Variants in IGF1 observed in about 807,000 individuals in gnomAD.
The protein encoded by IGF1 is insulin like growth factor 1, also known as insulin-like growth factor 1.
IGF1 carries 4 observed loss-of-function variants against 13.8 expected under a neutral mutation model. The observed-to-expected ratio is 0.29, with a 90% CI of 0.14 to 0.66. The LOEUF (loss-of-function observed/expected upper bound fraction) is 0.66, where lower values mean the gene tolerates loss of function less well. Among genes scored for constraint, IGF1 ranks in the 30% least tolerant of loss-of-function variants. IGF1 has a pLI of 0.78. For synonymous variants in IGF1, 76 were observed against 72.6 expected (o/e 1.05, Z -0.23); for missense variants, 124 against 188.5 (o/e 0.66, Z 2.00).
At chr12:102,440,495 C>T (rs181458109) in intron 2 of IGF1, among the ~76,000 whole-genome samples, 2 of 152,304 alleles carry the variant, frequency 1.3e-5, no homozygotes, top group East Asian at 1.9e-4. Context: ...TGATTCTCTC[C>T]AGGTAGTGCG....
chr12:102,422,503 A>C (rs750292089), intron 2 of IGF1, among the ~76,000 whole-genome samples: 2 of 152,224 alleles, frequency 1.3e-5, no homozygotes, highest in African/African-American at 4.8e-5. Flanking sequence ...CAAAAAACTC[A>C]TTTCTCGCCA....
intron 2 of IGF1, among the ~76,000 whole-genome samples, chr12:102,450,477 G>A (rs1311261119): frequency 6.6e-6 from 1 of 152,224 alleles, no homozygotes; most frequent in Admixed American, 6.5e-5. Context: ...GGAGACAAAT[G>A]GATGCCCAAT....
At chr12:102,450,433 C>T (rs777827902) in intron 2 of IGF1, among the ~76,000 whole-genome samples, 38 of 152,334 alleles carry the variant, frequency 2.5e-4, no homozygotes, top group Admixed American at 1.2e-3. Flanking sequence ...CTCTCTGCCA[C>T]GAATGGAAAC....
chr12:102,413,621 T>C (rs1874829589), intron 3 of IGF1, among the ~76,000 whole-genome samples: 1 of 152,210 alleles, frequency 6.6e-6, no homozygotes, highest in Non-Finnish European at 1.5e-5. Flanking sequence ...GAAACTAAAG[T>C]GTCCCGGAAG....
chr12:102,448,695 A>AT (rs1276355020), intron 2 of IGF1, among the ~76,000 whole-genome samples: 293 of 18,174 alleles, frequency 0.016, 2 homozygotes, highest in African/African-American at 0.036. Context: ...ATAATAAAAA[A>AT]AAAAAAAAAA....
At chr12:102,408,629 G>A (rs1278946462) in intron 3 of IGF1, among the ~76,000 whole-genome samples, 2 of 152,146 alleles carry the variant, frequency 1.3e-5, no homozygotes, top group African/African-American at 2.4e-5. Flanking sequence ...CCAGTACAAC[G>A]GCTCTTCTTT....
intron 2 of IGF1, among the ~76,000 whole-genome samples, chr12:102,474,086 C>T (rs900173271): frequency 1.3e-5 from 2 of 152,112 alleles, no homozygotes; most frequent in Admixed American, 6.5e-5. Flanking sequence ...AAGTGAGAAC[C>T]ACTTTTTCAT....
At chr12:102,417,866 C>G in intron 3 of IGF1, 1 of 1,613,900 alleles carries the variant, frequency 6.2e-7, no homozygotes, top group Non-Finnish European at 8.5e-7. Context: ...TTCCAATCTC[C>G]CTCCTCTGCT....
rs751304020 is a variant in IGF1 at position 102,419,654 on chromosome 12, G to A, written c.257C>T (p.Ala86Val). 2.1e-5 allele frequency: 34 copies of A among 1,613,086 alleles called. 2 individuals carry two copies. Among genetic ancestry groups the A allele is most frequent in the South Asian group, 1.4e-4 (13 of 91,088 alleles). The change falls in exon 3 of 4, where the codon GCG (alanine) becomes GTG (valine). Residue 86 changes from alanine to valine, a missense_variant. By Grantham distance (64) the Ala-to-Val change is moderately conservative. This residue lies in a region of IGF1 where 99 missense variants were observed against 171.4 expected (regional missense o/e 0.58). Coordinates refer to ENST00000337514, the MANE Select transcript of IGF1 (RefSeq NM_000618.5). ...PTGYGSSSRRAPQTGIVDECC... is the reference protein window; with the variant it reads ...PTGYGSSSRRVPQTGIVDECC... ...CTCATCCACGATGCCTGTCTGAGGCGCCCTCCGACTGCTGGAGCCATACCC... is the reference window on the plus strand; with the variant it reads ...CTCATCCACGATGCCTGTCTGAGGCACCCTCCGACTGCTGGAGCCATACCC...
chr12:102,428,319 G>C (rs1391799851), intron 2 of IGF1, among the ~76,000 whole-genome samples: 1 of 146,184 alleles, frequency 6.8e-6, no homozygotes, highest in Non-Finnish European at 1.5e-5. Flanking sequence ...AGAAAACCAA[G>C]AGTTTTCTCT....
At chr12:102,440,145 T>C (rs541043946) in intron 2 of IGF1, among the ~76,000 whole-genome samples, 2 of 152,288 alleles carry the variant, frequency 1.3e-5, no homozygotes, top group Non-Finnish European at 2.9e-5. Context: ...TCCATTCCTG[T>C]CATAAGACAG....
chr12:102,468,575 G>C (rs966087363), intron 2 of IGF1, among the ~76,000 whole-genome samples: 5 of 152,190 alleles, frequency 3.3e-5, no homozygotes, highest in African/African-American at 1.2e-4. Context: ...TCTTTGCTAT[G>C]TTTTAAACAT....
At chr12:102,430,276 A>C (rs1452681318) in intron 2 of IGF1, among the ~76,000 whole-genome samples, 3 of 152,156 alleles carry the variant, frequency 2.0e-5, no homozygotes, top group Admixed American at 2.0e-4. Flanking sequence ...CCAGCCAAGT[A>C]CCTGCTACTT....
At chr12:102,477,897 A>G (rs1337151042) in intron 1 of IGF1, among the ~76,000 whole-genome samples, 1 of 152,094 alleles carries the variant, frequency 6.6e-6, no homozygotes, top group Admixed American at 6.6e-5. Flanking sequence ...TCAAAACTAT[A>G]TTTTTAATAG....
At chr12:102,465,850 T>C (rs1213857826) in intron 2 of IGF1, among the ~76,000 whole-genome samples, 1 of 151,650 alleles carries the variant, frequency 6.6e-6, no homozygotes, top group Non-Finnish European at 1.5e-5. Context: ...GGCGGGAGAA[T>C]TGCTTGAACC....
At chr12:102,428,497 G>T (rs1876434648) in intron 2 of IGF1, among the ~76,000 whole-genome samples, 1 of 151,880 alleles carries the variant, frequency 6.6e-6, no homozygotes. Flanking sequence ...TCAAGGTAGG[G>T]CACAAAGAGC....
intron 3 of IGF1, among the ~76,000 whole-genome samples, chr12:102,413,067 T>G (rs751219549): frequency 2.0e-5 from 3 of 152,182 alleles, no homozygotes; most frequent in Non-Finnish European, 2.9e-5. Flanking sequence ...ACTCCCTCTT[T>G]AAAAATTGAC....
chr12:102,450,275 C>G (rs1878800489), intron 2 of IGF1, among the ~76,000 whole-genome samples: 1 of 152,216 alleles, frequency 6.6e-6, no homozygotes, highest in East Asian at 1.9e-4. Context: ...TTATGCGACT[C>G]TCCTAGAAAT....
chr12:102,403,623 ATTTTTTTTTTTTTTTTTT>A (rs142169670), intron 3 of IGF1, among the ~76,000 whole-genome samples: 2 of 80,604 alleles, frequency 2.5e-5, no homozygotes, highest in African/African-American at 5.0e-5. Context: ...TGCCTTGACA[ATTTTTTTTTTTTTTTTTT>A]TTTTTTTTTT....
Sources: gnomAD v4.1 joint callset for allele counts (sites outside exome capture counted in the v4.1 genomes callset) on GRCh38, gnomAD v4.1.1 for gene constraint, gnomAD v4.1.1 regional missense constraint, MANE v1.5 for transcripts, NCBI Gene and HGNC (gene_info 2026-07-23, HGNC 2026-07-21) for gene names.